The following PEX5 variants were observed in gnomAD, a reference collection of about 807,000 sequenced individuals.
The protein encoded by PEX5 is peroxisomal biogenesis factor 5, also known as PTS1 receptor.
A neutral mutation model predicts 82.9 loss-of-function variants in PEX5; 52 were observed. That is an observed-to-expected ratio of 0.63 (90% confidence interval 0.50 to 0.79). The LOEUF (loss-of-function observed/expected upper bound fraction) is 0.79, where lower values mean the gene tolerates loss of function less well. Among genes scored for constraint, PEX5 ranks in the 30% least tolerant of loss-of-function variants. The pLI is 0.00. For missense variants in PEX5, 719 were observed against 815.2 expected (o/e 0.88, Z 1.44); for synonymous variants, 300 against 318.8 (o/e 0.94, Z 0.63).
intron 6 of PEX5, 36 bp from the exon 7 acceptor site, chr12:7,201,715 A>G: frequency 7.1e-7 from 1 of 1,417,706 alleles, no homozygotes. Flanking sequence ...GGGTGATGGC[A>G]GACTAATGTG....
At chr12:7,190,801 A>C (rs1591644250) in intron 2 of PEX5, 87 bp from the exon 3 acceptor site, 8 of 1,379,704 alleles carry the variant, frequency 5.8e-6, no homozygotes, top group Middle Eastern at 1.8e-4. Flanking sequence ...ATAGATGAAG[A>C]AGCCGAGGCT....
downstream of PEX5, among the ~76,000 whole-genome samples, chr12:7,215,030 T>C (rs1945739333): frequency 6.6e-6 from 1 of 152,168 alleles, no homozygotes; most frequent in African/African-American, 2.4e-5. Context: ...TTGGGTGACT[T>C]TGTAGTCCGC....
Position 7,189,696 on chromosome 12 carries a change from C to T in PEX5, c.-71C>T. The T allele has an allele frequency of 5.4e-6, 2 of 370,162 alleles. No homozygotes were observed. The highest frequency in any genetic ancestry group is 4.8e-6 in the Non-Finnish European group (1 of 210,170). 22.9% of individuals were successfully genotyped at this position (370,162 alleles called of 1,614,324 possible). On this transcript the variant is annotated 5_prime_UTR_variant, in exon 1 of 16. Coordinates refer to ENST00000675855, the MANE Select transcript of PEX5 (RefSeq NM_001351132.2). Reference sequence around the variant, plus strand: ...CTGGCTCCCCGCCCCCTCTTCTCCCCTCCCCCAAGCCAGCACCTGGTGCCC... The same window carrying T: ...CTGGCTCCCCGCCCCCTCTTCTCCCTTCCCCCAAGCCAGCACCTGGTGCCC...
chr12:7,196,301 T>C (rs1403307127), intron 5 of PEX5, among the ~76,000 whole-genome samples: 1 of 54,526 alleles, frequency 1.8e-5, no homozygotes, highest in Non-Finnish European at 3.8e-5. Context: ...TAATTATATG[T>C]CATATATAAT....
Position 7,201,170 on chromosome 12 carries a change from T to C in PEX5, c.552-581T>C, listed in dbSNP as rs202041747. 2.2e-4 allele frequency among the ~76,000 whole-genome samples: 11 copies of C among 49,250 alleles called. No homozygotes were observed. The Admixed American group carries it at 2.3e-3, about 10-fold the overall frequency. 32.3% of individuals were successfully genotyped at this position (49,250 alleles called of 152,430 possible). A position where few individuals can be genotyped will look rare whatever the true frequency, so the allele number is the denominator to read the frequency against. On this transcript the variant is annotated intron_variant, in intron 6 of 15. Coordinates refer to ENST00000675855, the MANE Select transcript of PEX5 (RefSeq NM_001351132.2). The stretch of plus-strand genomic sequence containing the variant: ...ACACGCACACACATATATACACACA[T>C]ACACATATGTACACACGCATACATA...
chr12:7,200,490 C>T (rs1298120602), intron 6 of PEX5, among the ~76,000 whole-genome samples: 27 of 152,152 alleles, frequency 1.8e-4, no homozygotes, highest in African/African-American at 5.5e-4. Flanking sequence ...GATGGGGTGG[C>T]GGCCAGGCAG....
intron 6 of PEX5, 99 bp downstream of exon 6, chr12:7,199,212 T>TTC (rs1943283263): frequency 2.0e-6 from 1 of 490,978 alleles, no homozygotes; most frequent in Non-Finnish European, 3.7e-6. Flanking sequence ...CTTTATTCTT[T>TTC]TTTTTTTTTT....
At position 7,200,464 on chromosome 12, in the gene PEX5, C is replaced by T. The variant is rs1391559530; in HGVS notation, c.552-1287C>T. 5.3e-5 allele frequency among the ~76,000 whole-genome samples: 8 copies of T among 152,190 alleles called. No individual in the cohort carries two copies. The East Asian group carries it at 9.7e-4, about 18-fold the overall frequency. On this transcript the variant is annotated intron_variant, in intron 6 of 15. Transcript: ENST00000675855. ...CAGACGATGGGCGGCCAGGCAGAGACGCTCCTCACTTCCCAGATGGGGTGG... is the reference window on the plus strand; with the variant it reads ...CAGACGATGGGCGGCCAGGCAGAGATGCTCCTCACTTCCCAGATGGGGTGG...
Position 7,199,900 on chromosome 12 carries a change from C to T in PEX5, c.551+787C>T, listed in dbSNP as rs551974456. 3.1e-4 allele frequency among the ~76,000 whole-genome samples: 9 copies of T among 29,436 alleles called. 1 individual carries two copies. Among genetic ancestry groups the T allele is most frequent in the Admixed American group, 2.0e-3 (4 of 1,990 alleles). The allele number at this position is 29,436 out of a possible 152,430, so 19.3% of individuals were successfully genotyped here. ...AGGGGGCTGACCCCCACCTCCCTCC[C>T]GGACGGGGCGGCTGGCCGGGCGGGG... On this transcript the variant is annotated intron_variant, in intron 6 of 15. Coordinates refer to ENST00000675855, the MANE Select transcript of PEX5 (RefSeq NM_001351132.2).
intron 17 of PEX5, among the ~76,000 whole-genome samples, chr12:7,217,511 G>T (rs2136298499): frequency 6.6e-6 from 1 of 152,294 alleles, no homozygotes; most frequent in Middle Eastern, 3.4e-3. Flanking sequence ...GTGGTCTCAG[G>T]GTGTCAAAAT....
At chr12:7,194,394 A>G (rs1379919554) in intron 5 of PEX5, among the ~76,000 whole-genome samples, 2 of 152,172 alleles carry the variant, frequency 1.3e-5, no homozygotes, top group Admixed American at 6.5e-5. Flanking sequence ...CATAGCAGTT[A>G]TGCAGAGATC....
rs1940535377 is a variant in PEX5 at position 7,189,723 on chromosome 12, G to A, written c.-44G>A. On this transcript the variant is annotated 5_prime_UTR_variant, in exon 1 of 16. Transcript: ENST00000675855. ...CCCCCAAGCCAGCACCTGGTGCCCC[G>A]GCGGGTCGTGCGGCGCGGCGCTCCG... The A allele has an allele frequency of 2.8e-6, 1 of 357,218 alleles. No individual in the cohort carries two copies. Among genetic ancestry groups the A allele is most frequent in the Non-Finnish European group, 4.9e-6 (1 of 205,586 alleles). 22.1% of individuals were successfully genotyped at this position (357,218 alleles called of 1,614,324 possible).
chr12:7,216,681 C>A (rs931808370), intron 17 of PEX5, among the ~76,000 whole-genome samples: 1 of 152,028 alleles, frequency 6.6e-6, no homozygotes, highest in African/African-American at 2.4e-5. Context: ...GAATAAAAGT[C>A]AAAAACAAAA....
downstream of PEX5, among the ~76,000 whole-genome samples, chr12:7,216,370 T>G (rs931887979): frequency 1.3e-5 from 2 of 152,242 alleles, no homozygotes; most frequent in Non-Finnish European, 2.9e-5. Flanking sequence ...GTAAGTGATT[T>G]AAATTTCATT....
downstream of PEX5, among the ~76,000 whole-genome samples, chr12:7,213,534 T>A (rs1945687075): frequency 1.4e-5 from 2 of 144,864 alleles, no homozygotes; most frequent in African/African-American, 5.1e-5. Context: ...TGTAGAAAGC[T>A]GAAACTGGAT....
chr12:7,189,967 C>T, intron 1 of PEX5: 1 of 1,494,032 alleles, frequency 6.7e-7, no homozygotes, highest in Non-Finnish European at 8.8e-7. Context: ...CGTGCTGGGG[C>T]TGCGCGGGGC....
chr12:7,191,032 A>T, intron 3 of PEX5, 109 bp downstream of exon 3: 1 of 1,211,056 alleles, frequency 8.3e-7, no homozygotes, highest in Non-Finnish European at 1.2e-6. Flanking sequence ...TGACCGAATG[A>T]GAATGCCTGC....
chr12:7,201,072 C>A (rs1008534474), intron 6 of PEX5, among the ~76,000 whole-genome samples: 1 of 152,106 alleles, frequency 6.6e-6, no homozygotes, highest in Non-Finnish European at 1.5e-5. Context: ...GAGGTCAAGT[C>A]TAGCCCGAGG....
intron 9 of PEX5, 110 bp from the exon 10 acceptor site, chr12:7,203,322 A>T: frequency 8.0e-7 from 1 of 1,246,100 alleles, no homozygotes; most frequent in Non-Finnish European, 1.1e-6. Flanking sequence ...TGATTCTTAA[A>T]CATATTGAAA....
Sources: gnomAD v4.1 joint callset for allele counts (sites outside exome capture counted in the v4.1 genomes callset) on GRCh38, gnomAD v4.1.1 for gene constraint, MANE v1.5 for transcripts, NCBI Gene and HGNC (gene_info 2026-07-23, HGNC 2026-07-21) for gene names.